CES4A: variants seen among roughly 807,000 people sequenced by gnomAD.
CES4A encodes carboxylesterase 6.
A neutral mutation model predicts 65.4 loss-of-function variants in CES4A; 48 were observed. The observed-to-expected ratio is 0.73, with a 90% CI of 0.58 to 0.93. The LOEUF (loss-of-function observed/expected upper bound fraction) is 0.93. Among genes scored for constraint, CES4A ranks in the 40% least tolerant of loss-of-function variants. CES4A has a pLI of 0.00. For missense variants in CES4A, 685 were observed against 728.5 expected (o/e 0.94, Z 0.69); for synonymous variants, 247 against 281.8 (o/e 0.88, Z 1.24).
At position 67,003,613 on chromosome 16, in the gene CES4A, C is replaced by A; in HGVS notation, c.939+60C>A. 7.3e-7 allele frequency: 1 copy of A among 1,364,418 alleles called. No homozygotes were observed. Among genetic ancestry groups the A allele is most frequent in the Non-Finnish European group, 1.0e-6 (1 of 952,684 alleles). The allele number at this position is 1,364,418 out of a possible 1,614,324, so 84.5% of individuals were successfully genotyped here. On this transcript the variant is annotated intron_variant, in intron 8 of 13. Coordinates refer to ENST00000648724, the Ensembl canonical transcript of CES4A. The surrounding 1 kb of genome is among the most constrained non-coding windows in gnomAD (Gnocchi z 4.2). Reference sequence around the variant, plus strand: ...TTTAACACCTACTTTGTGCCAGGCACTTGGGATACTTAGGGAATTGTTCAG... The same window carrying A: ...TTTAACACCTACTTTGTGCCAGGCAATTGGGATACTTAGGGAATTGTTCAG...
intron 1 of CES4A, among the ~76,000 whole-genome samples, chr16:66,993,528 A>C (rs1247605803): frequency 1.3e-5 from 2 of 151,636 alleles, no homozygotes; most frequent in Non-Finnish European, 2.9e-5. Flanking sequence ...TTTTTAGTAG[A>C]GACAGGGGTT....
At chr16:66,995,354 C>T (rs1043983668) in intron 1 of CES4A, among the ~76,000 whole-genome samples, 1 of 151,624 alleles carries the variant, frequency 6.6e-6, no homozygotes, top group Non-Finnish European at 1.5e-5. Flanking sequence ...AATAAATAAA[C>T]GAAACGTTAA....
rs1240517998 is a variant in CES4A, at chr16:66,990,587, T to C, written c.58+1757T>C. On this transcript the variant is annotated intron_variant, in intron 1 of 13. Coordinates refer to ENST00000648724, the Ensembl canonical transcript of CES4A. ...TGTGGTGCATGCCTGCAGTCCCAACTGCTCGAGAGGCTGAAGTGAGAGGCT... is the reference window on the plus strand; with the variant it reads ...TGTGGTGCATGCCTGCAGTCCCAACCGCTCGAGAGGCTGAAGTGAGAGGCT... Among the ~76,000 whole-genome samples, 6 of 152,052 alleles carry C rather than the reference T, an allele frequency of 3.9e-5. 1 individual carries two copies. The highest frequency in any genetic ancestry group is 3.9e-4 in the Admixed American group (6 of 15,258).
At chr16:66,998,507 A>C (rs1420217940) in intron 2 of CES4A, among the ~76,000 whole-genome samples, 1 of 152,166 alleles carries the variant, frequency 6.6e-6, no homozygotes, top group Non-Finnish European at 1.5e-5. Context: ...ACTTGAGCCC[A>C]GGAGGTCAAG....
At chr16:66,990,296 A>G (rs1017295850) in intron 1 of CES4A, among the ~76,000 whole-genome samples, 8 of 151,842 alleles carry the variant, frequency 5.3e-5, no homozygotes, top group South Asian at 2.1e-4. Context: ...GAGATGATCC[A>G]CCTGCCTCGG....
At chr16:67,008,779 C>G in intron 13 of CES4A, 195 bp from the exon 14 acceptor site, 1 of 596,968 alleles carries the variant, frequency 1.7e-6, no homozygotes, top group South Asian at 2.0e-5. Context: ...CTCAACCTGG[C>G]ACATACTGTT....
exon 14 of CES4A, chr16:67,009,057 T>G: frequency 6.2e-7 from 1 of 1,613,928 alleles, no homozygotes; most frequent in Middle Eastern, 1.6e-4. Flanking sequence ...ACCACAAGAG[T>G]GGGCATGAAG....
rs1965297675 is a variant in CES4A at position 67,001,093 on chromosome 16, GCC to G, written c.536+104_536+105del. On this transcript the variant is annotated intron_variant, in intron 4 of 13. Transcript: ENST00000648724. The surrounding 1 kb of genome is among the most constrained non-coding windows in gnomAD (Gnocchi z 4.1). ...CTGGGGCGGGGATGGGGGGGGTGGG[GCC>G]GCGAGGCGGGGGCGGGGCCTGGCGC... 1 of 427,204 alleles carries G rather than the reference GCC, an allele frequency of 2.3e-6. No individual in the cohort carries two copies. The highest frequency in any genetic ancestry group is 3.7e-5 in the Admixed American group (1 of 26,730). The allele number at this position is 427,204 out of a possible 1,614,324, so 26.5% of individuals were successfully genotyped here.
intron 1 of CES4A, among the ~76,000 whole-genome samples, chr16:66,993,816 C>T (rs544410193): frequency 1.3e-5 from 2 of 151,996 alleles, no homozygotes; most frequent in Non-Finnish European, 2.9e-5. Context: ...AGAACAGAGG[C>T]GTAGGCCGGG....
intron 1 of CES4A, among the ~76,000 whole-genome samples, chr16:66,989,851 A>G (rs1437073948): frequency 6.6e-6 from 1 of 151,268 alleles, no homozygotes; most frequent in African/African-American, 2.4e-5. Flanking sequence ...GCGAAACTCT[A>G]TCTCAAAAAA....
rs201950645 is a variant in CES4A, at chr16:67,008,966, C to T, written c.1518-8C>T. 3.4e-4 allele frequency: 547 copies of T among 1,604,500 alleles called. 3 individuals carry two copies. The highest frequency in any genetic ancestry group is 4.4e-4 in the Admixed American group (25 of 56,794). On this transcript the variant is annotated splice_polypyrimidine_tract_variant and splice_region_variant and intron_variant, in intron 13 of 13. Transcript: ENST00000648724. ...ACAGGTAATCCTCTCTTTTTTATTT[C>T]TGGGCAGAAACCCCAATGATGGGAA...
At chr16:66,993,955 G>A (rs996650919) in intron 1 of CES4A, among the ~76,000 whole-genome samples, 2 of 151,360 alleles carry the variant, frequency 1.3e-5, no homozygotes, top group Admixed American at 6.6e-5. Flanking sequence ...CAAAAAATTA[G>A]CCGGGCATGG....
At chr16:66,990,883 A>G (rs1274609991) in intron 1 of CES4A, among the ~76,000 whole-genome samples, 1 of 152,116 alleles carries the variant, frequency 6.6e-6, no homozygotes, top group African/African-American at 2.4e-5. Flanking sequence ...TCCAGTATTC[A>G]CTATGGTATA....
At position 66,998,371 on chromosome 16, in the gene CES4A, C is replaced by G. The variant is rs983749353; in HGVS notation, c.261-2267C>G. On this transcript the variant is annotated intron_variant, in intron 2 of 13. Transcript: ENST00000648724. The stretch of plus-strand genomic sequence containing the variant: ...TTGGGAGGCTGAGGTGGGAGGATCC[C>G]TTGAGGCTAGGAGTTCCATACCAAC... 3.3e-4 allele frequency among the ~76,000 whole-genome samples: 50 copies of G among 152,032 alleles called. 1 individual carries two copies. Among genetic ancestry groups the G allele is most frequent in the Admixed American group, 6.6e-5 (1 of 15,256 alleles).
chr16:67,004,799 A>G, exon 10 of CES4A: 1 of 1,536,044 alleles, frequency 6.5e-7, no homozygotes, highest in Non-Finnish European at 8.7e-7. Flanking sequence ...ACAGATCATG[A>G]AGTTCCCGCT....
chr16:66,989,393 C>G (rs74703878), intron 1 of CES4A, among the ~76,000 whole-genome samples: 3,650 of 151,366 alleles, frequency 0.024, 100 homozygotes, highest in South Asian at 0.075. Context: ...TCCAGATCAA[C>G]ATCTAGAACA....
In CES4A at chr16:67,005,128, C is replaced by T. The variant is rs1047834785; in HGVS notation, c.1162-112C>T. On this transcript the variant is annotated intron_variant, in intron 10 of 13. Transcript: ENST00000648724. Reference sequence around the variant, plus strand: ...TTTCCCAGGAAGCTCCCTTTCTCCCCCTCCCAGGCCAAAAACTCCTGGGGG... The same window carrying T: ...TTTCCCAGGAAGCTCCCTTTCTCCCTCTCCCAGGCCAAAAACTCCTGGGGG... 8.0e-5 allele frequency: 90 copies of T among 1,128,510 alleles called. 1 individual carries two copies. The South Asian group carries it at 8.0e-4, about 10-fold the overall frequency. 69.9% of individuals were successfully genotyped at this position (1,128,510 alleles called of 1,614,324 possible). A position where few individuals can be genotyped will look rare whatever the true frequency, so the allele number is the denominator to read the frequency against.
chr16:67,009,313 G>A, exon 14 of CES4A: 1 of 608,588 alleles, frequency 1.6e-6, no homozygotes, highest in Non-Finnish European at 2.8e-6. Flanking sequence ...TGTTGTGTGG[G>A]ACCTGCACTG....
chr16:67,003,727 G>T lies in CES4A; in HGVS notation c.939+174G>T, dbSNP rs2145646827. 6.6e-6 allele frequency among the ~76,000 whole-genome samples: 1 copy of T among 152,308 alleles called. No individual in the cohort carries two copies. The highest frequency in any genetic ancestry group is 2.1e-4 in the South Asian group (1 of 4,826). On this transcript the variant is annotated intron_variant, in intron 8 of 13. Coordinates refer to ENST00000648724, the Ensembl canonical transcript of CES4A. This position sits in a 1 kb window ranked among gnomAD's most constrained non-coding sequence, Gnocchi z 4.2. ...AAATATATTATCCACCTCCTTAGAA[G>T]GTGATAGGTGAATAGCAAGGAATGG...
Sources: allele counts gnomAD v4.1 joint callset (sites outside exome capture counted in the v4.1 genomes callset), GRCh38; gene constraint gnomAD v4.1.1; non-coding constraint Gnocchi (gnomAD v3.1); transcripts MANE v1.5; gene names NCBI Gene and HGNC (gene_info 2026-07-23, HGNC 2026-07-21).